Variants in CRACR2A observed in about 807,000 individuals in gnomAD.
The protein encoded by CRACR2A is EF-hand calcium-binding domain-containing protein 4B.
In CRACR2A, 79 loss-of-function variants were observed where a neutral mutation model predicts 90.5. That is an observed-to-expected ratio of 0.87 (90% CI 0.73 to 1.05). The LOEUF (loss-of-function observed/expected upper bound fraction) is 1.05. CRACR2A is among the 50% of genes least tolerant of loss of function. The pLI is 0.00. For missense variants in CRACR2A, 823 were observed against 897.2 expected (o/e 0.92, Z 1.06); for synonymous variants, 338 against 356.7 (o/e 0.95, Z 0.59).
At chr12:3,672,108 T>C (rs981716889) in intron 7 of CRACR2A, among the ~76,000 whole-genome samples, 3 of 152,244 alleles carry the variant, frequency 2.0e-5, no homozygotes, top group Non-Finnish European at 2.9e-5. Context: ...CAGTGATACT[T>C]GTCCTCAGCT....
chr12:3,715,510 G>C (rs1296497069), intron 2 of CRACR2A, among the ~76,000 whole-genome samples: 5 of 152,154 alleles, frequency 3.3e-5, no homozygotes, highest in Admixed American at 1.3e-4. Flanking sequence ...TAATGAAACA[G>C]CTCCCTTAAA....
chr12:3,727,971 T>A (rs189756650), intron 2 of CRACR2A: 1 of 152,318 alleles, frequency 6.6e-6, no homozygotes, highest in East Asian at 1.9e-4. Flanking sequence ...GTAGGCCAAC[T>A]GTAAATTTTG....
intron 7 of CRACR2A, among the ~76,000 whole-genome samples, chr12:3,661,527 A>G (rs1307904969): frequency 6.6e-6 from 1 of 152,254 alleles, no homozygotes; most frequent in Non-Finnish European, 1.5e-5. Flanking sequence ...TTCTTGTTAA[A>G]TGACCAATGT....
intron 14 of CRACR2A, among the ~76,000 whole-genome samples, chr12:3,634,101 T>C (rs1944419963): frequency 6.6e-6 from 1 of 151,948 alleles, no homozygotes; most frequent in African/African-American, 2.4e-5. Context: ...GAGGAGGGGA[T>C]CTGAGCGGTG....
At chr12:3,733,397 G>C (rs1946392357) in intron 1 of CRACR2A, among the ~76,000 whole-genome samples, 187 bp from the exon 2 acceptor site, 1 of 152,190 alleles carries the variant, frequency 6.6e-6, no homozygotes, top group African/African-American at 2.4e-5. Context: ...CCCCAGCTCA[G>C]AGGCCTCATC....
At chr12:3,664,358 A>G (rs1019721376) in intron 7 of CRACR2A, among the ~76,000 whole-genome samples, 2 of 152,224 alleles carry the variant, frequency 1.3e-5, no homozygotes, top group Non-Finnish European at 2.9e-5. Context: ...ATGGCTTCAA[A>G]TACTTTATAT....
chr12:3,641,416 C>G (rs1222796887), intron 13 of CRACR2A, among the ~76,000 whole-genome samples: 1 of 152,238 alleles, frequency 6.6e-6, no homozygotes, highest in Non-Finnish European at 1.5e-5. Flanking sequence ...TGTAGTGCTA[C>G]CCAGCTACAC....
chr12:3,629,846 C>G (rs1944346788), intron 15 of CRACR2A, among the ~76,000 whole-genome samples: 1 of 37,484 alleles, frequency 2.7e-5, no homozygotes, highest in African/African-American at 1.5e-4. Context: ...AAGGAAAAGA[C>G]AAGGGGGGGG....
intron 4 of CRACR2A, among the ~76,000 whole-genome samples, chr12:3,690,716 T>A (rs530000855): frequency 1.4e-4 from 22 of 152,314 alleles, no homozygotes; most frequent in African/African-American, 5.1e-4. Context: ...AATATCCTTG[T>A]TAATTTTCTG....
chr12:3,685,228 G>A (rs1945531000), intron 4 of CRACR2A, among the ~76,000 whole-genome samples: 1 of 152,200 alleles, frequency 6.6e-6, no homozygotes, highest in Non-Finnish European at 1.5e-5. Flanking sequence ...TCCCTTTTCA[G>A]CAGAAATGCC....
intron 1 of CRACR2A, among the ~76,000 whole-genome samples, chr12:3,736,196 C>A (rs946123347): frequency 2.0e-5 from 3 of 151,760 alleles, no homozygotes; most frequent in Non-Finnish European, 4.4e-5. Context: ...ATGACCCCAA[C>A]AAGTACAGCA....
At chr12:3,665,976 A>T (rs894839162) in intron 7 of CRACR2A, among the ~76,000 whole-genome samples, 2 of 152,176 alleles carry the variant, frequency 1.3e-5, no homozygotes, top group Non-Finnish European at 2.9e-5. Flanking sequence ...AGAAGAAGCC[A>T]TGCACTATGA....
At chr12:3,634,239 G>A (rs1591642492) in intron 14 of CRACR2A, among the ~76,000 whole-genome samples, 1 of 152,228 alleles carries the variant, frequency 6.6e-6, no homozygotes, top group East Asian at 1.9e-4. Context: ...GGTTGGGACA[G>A]GGAGCTCCTT....
At chr12:3,738,977 G>T (rs539721713) in intron 1 of CRACR2A, among the ~76,000 whole-genome samples, 145 of 151,866 alleles carry the variant, frequency 9.5e-4, no homozygotes, top group African/African-American at 3.3e-3. Context: ...TGTCTTCTGA[G>T]AATTCTATAC....
chr12:3,741,777 T>C (rs1565509813), intron 1 of CRACR2A, among the ~76,000 whole-genome samples: 2 of 152,220 alleles, frequency 1.3e-5, no homozygotes, highest in Admixed American at 6.5e-5. Flanking sequence ...CATCGGCATT[T>C]GCATTCAGAA....
At chr12:3,623,744 C>T (rs975044816) in intron 17 of CRACR2A, among the ~76,000 whole-genome samples, 6 of 152,198 alleles carry the variant, frequency 3.9e-5, no homozygotes, top group Admixed American at 2.0e-4. Context: ...TGCTGGGCCT[C>T]TTCTGCAGAA....
intron 14 of CRACR2A, among the ~76,000 whole-genome samples, chr12:3,637,242 C>T (rs1002453104): frequency 3.3e-5 from 5 of 152,212 alleles, no homozygotes; most frequent in African/African-American, 1.2e-4. Context: ...GGTATGCAAA[C>T]TTTCTAAAGC....
At chr12:3,695,119 C>T (rs1345439015) in intron 4 of CRACR2A, among the ~76,000 whole-genome samples, 5 of 152,170 alleles carry the variant, frequency 3.3e-5, no homozygotes, top group Non-Finnish European at 7.3e-5. Context: ...AGCAAGAGTG[C>T]TGAGTTGCAC....
At chr12:3,675,873 C>T (rs1945327268) in intron 6 of CRACR2A, among the ~76,000 whole-genome samples, 1 of 152,070 alleles carries the variant, frequency 6.6e-6, no homozygotes, top group Non-Finnish European at 1.5e-5. Flanking sequence ...ATTTTAGAAA[C>T]CTTATTCAGA....
Sources: allele counts gnomAD v4.1 joint callset (sites outside exome capture counted in the v4.1 genomes callset), GRCh38; gene constraint gnomAD v4.1.1; transcripts MANE v1.5; gene names NCBI Gene and HGNC (gene_info 2026-07-23, HGNC 2026-07-21).